Variants in RNF144B observed in about 807,000 individuals in gnomAD.
The protein encoded by RNF144B is ring finger protein 144B, also known as E3 ubiquitin-protein ligase RNF144B.
Under a neutral mutation model 40.2 loss-of-function variants are expected in RNF144B, and 25 were observed. The ratio of observed to expected loss-of-function variants is 0.62; its 90% CI spans 0.45 to 0.87. The LOEUF (loss-of-function observed/expected upper bound fraction) is 0.87, where lower values mean the gene tolerates loss of function less well. Ranked by LOEUF, RNF144B falls within the 40% of genes least tolerant of loss-of-function variation. The pLI is 0.00. For synonymous variants in RNF144B, 145 were observed against 136.3 expected (o/e 1.06, Z -0.44); for missense variants, 365 against 373.7 (o/e 0.98, Z 0.19).
intron 1 of RNF144B, among the ~76,000 whole-genome samples, chr6:18,393,539 G>A (rs562913971): frequency 1.3e-5 from 2 of 152,282 alleles, no homozygotes; most frequent in East Asian, 1.9e-4. Flanking sequence ...GTTAGGAAAA[G>A]GAACCAGTAG....
chr6:18,389,633 C>T (rs77489166), intron 1 of RNF144B, among the ~76,000 whole-genome samples: 18 of 152,250 alleles, frequency 1.2e-4, no homozygotes, highest in East Asian at 1.2e-3. Flanking sequence ...TGTTTGAAAT[C>T]TCCAGTTTGA....
rs569581534 is a variant in RNF144B at position 18,388,359 on chromosome 6, C to T, written c.-37+729C>T. Among the ~76,000 whole-genome samples the T allele has an allele frequency of 2.0e-5, 3 of 152,260 alleles. No individual in the cohort carries two copies. The South Asian group carries it at 6.2e-4, about 32-fold the overall frequency. On this transcript the variant is annotated intron_variant, in intron 1 of 7. Coordinates refer to ENST00000259939, the MANE Select transcript of RNF144B (RefSeq NM_182757.4). Reference sequence around the variant, plus strand: ...TGGCATTTCTGGACGTTTATTTGAACATTGAGAGGTATAAATTAAATGGCA... The same window carrying T: ...TGGCATTTCTGGACGTTTATTTGAATATTGAGAGGTATAAATTAAATGGCA...
chr6:18,394,764 G>T (rs1297995597), intron 1 of RNF144B, among the ~76,000 whole-genome samples: 1 of 152,124 alleles, frequency 6.6e-6, no homozygotes. Context: ...GACAAGACAC[G>T]AGGGGAAAGG....
intron 4 of RNF144B, among the ~76,000 whole-genome samples, chr6:18,451,811 AAAAGGGATAGTT>A (rs1759214973): frequency 6.6e-6 from 1 of 152,252 alleles, no homozygotes; most frequent in Non-Finnish European, 1.5e-5. Context: ...ATAGAATTCT[AAAAGGGATAGTT>A]ATTTGTTTTA....
In RNF144B at chr6:18,467,515, T is replaced by A. The variant is rs1759598477; in HGVS notation, c.*2448T>A. 3 of 150,864 alleles carry A rather than the reference T, an allele frequency of 2.0e-5. No individual in the cohort carries two copies. In the South Asian group the frequency reaches 6.3e-4, roughly 31 times the overall value. The allele number at this position is 150,864 out of a possible 1,614,324, so 9.3% of individuals were successfully genotyped here. On this transcript the variant is annotated 3_prime_UTR_variant, in exon 8 of 8. Transcript: ENST00000259939. The stretch of plus-strand genomic sequence containing the variant: ...TGAAAAGTGCCTGAAAAATGGTAAA[T>A]TCTTAAATGTGTGTGAGATTGTCAG...
chr6:18,439,611 G>A, intron 3 of RNF144B, 73 bp from the exon 4 acceptor site: 1 of 1,030,292 alleles, frequency 9.7e-7, no homozygotes. Flanking sequence ...AAGCCAGAAA[G>A]AGAAATCAAA....
In RNF144B at chr6:18,434,765, G is replaced by A. The variant is rs954170776; in HGVS notation, c.271-4919G>A. 1.3e-5 allele frequency among the ~76,000 whole-genome samples: 2 copies of A among 152,122 alleles called. No individual in the cohort carries two copies. Among genetic ancestry groups the A allele is most frequent in the African/African-American group, 4.8e-5 (2 of 41,412 alleles). Reference sequence around the variant, plus strand: ...GCCTCCTGAGTAGCTGGGACTACAGGCGCCTGCTACCACGCCCAGCTAATT... The same window carrying A: ...GCCTCCTGAGTAGCTGGGACTACAGACGCCTGCTACCACGCCCAGCTAATT... On this transcript the variant is annotated intron_variant, in intron 3 of 7. Transcript: ENST00000259939. This position sits in a 1 kb window ranked among gnomAD's most constrained non-coding sequence, Gnocchi z 4.1.
chr6:18,415,083 A>G (rs1795124436), intron 2 of RNF144B, among the ~76,000 whole-genome samples: 2 of 152,160 alleles, frequency 1.3e-5, no homozygotes, highest in African/African-American at 4.8e-5. Context: ...AATATCTAAT[A>G]CAATGTAAAT....
rs1446804525 is a variant in RNF144B, at chr6:18,418,572, T to C, written c.166-9009T>C. On this transcript the variant is annotated intron_variant, in intron 2 of 7. Coordinates refer to ENST00000259939, the MANE Select transcript of RNF144B (RefSeq NM_182757.4). This position sits in a 1 kb window ranked among gnomAD's most constrained non-coding sequence, Gnocchi z 5.2. Reference sequence around the variant, plus strand: ...GTTCCCTAGGGCTGTGCATGGAGGATCTGGGGGAGAAATGGGGAGCATGTA... The same window carrying C: ...GTTCCCTAGGGCTGTGCATGGAGGACCTGGGGGAGAAATGGGGAGCATGTA... 2.0e-5 allele frequency among the ~76,000 whole-genome samples: 3 copies of C among 152,054 alleles called. No individual in the cohort carries two copies. Among genetic ancestry groups the C allele is most frequent in the Non-Finnish European group, 2.9e-5 (2 of 67,994 alleles).
At chr6:18,437,892 A>G (rs1275122939) in intron 3 of RNF144B, among the ~76,000 whole-genome samples, 1 of 152,200 alleles carries the variant, frequency 6.6e-6, no homozygotes, top group African/African-American at 2.4e-5. Context: ...CTCATCATTG[A>G]AAAAGAATCA....
intron 1 of RNF144B, among the ~76,000 whole-genome samples, chr6:18,391,554 A>G (rs1794580632): frequency 6.6e-6 from 1 of 152,206 alleles, no homozygotes; most frequent in African/African-American, 2.4e-5. Flanking sequence ...GAACATGGAA[A>G]GAAGGCAAGA....
intron 1 of RNF144B, among the ~76,000 whole-genome samples, chr6:18,390,162 C>T (rs111261612): frequency 5.3e-5 from 8 of 152,260 alleles, no homozygotes; most frequent in African/African-American, 1.4e-4. Context: ...AAAAGTACTT[C>T]GATGTTTGTC....
rs1275925319 is a variant in RNF144B, at chr6:18,447,785, T to G, written c.331+8041T>G. Among the ~76,000 whole-genome samples, 1 of 152,166 alleles carries G rather than the reference T, an allele frequency of 6.6e-6. No individual in the cohort carries two copies. The highest frequency in any genetic ancestry group is 1.5e-5 in the Non-Finnish European group (1 of 68,022). On this transcript the variant is annotated intron_variant, in intron 4 of 7. Transcript: ENST00000259939. The surrounding 1 kb of genome is among the most constrained non-coding windows in gnomAD (Gnocchi z 5.6). ...GAGGTCAGGTTTAAAGCTGTGACAC[T>G]GAATGAGCGCATCTAAGAATTAAAC...
intron 3 of RNF144B, among the ~76,000 whole-genome samples, chr6:18,430,513 A>G (rs1487212657): frequency 1.3e-5 from 2 of 151,410 alleles, no homozygotes; most frequent in Non-Finnish European, 2.9e-5. Flanking sequence ...TCTCTTTTTT[A>G]AAACCTGGTT....
chr6:18,465,299 T>C lies in RNF144B; in HGVS notation c.*232T>C. 1 of 542,548 alleles carries C rather than the reference T, an allele frequency of 1.8e-6. No homozygotes were observed. The highest frequency in any genetic ancestry group is 3.0e-5 in the East Asian group (1 of 33,734). 33.6% of individuals were successfully genotyped at this position (542,548 alleles called of 1,614,324 possible). ...CGGTCCAGCTGTTTCTATGGAGCTT[T>C]GGGGTTCCTTGAGATGAATGAACAT... On this transcript the variant is annotated 3_prime_UTR_variant, in exon 8 of 8. Transcript: ENST00000259939.
intron 2 of RNF144B, among the ~76,000 whole-genome samples, chr6:18,408,139 C>T (rs1794954383): frequency 6.6e-6 from 1 of 151,918 alleles, no homozygotes; most frequent in Non-Finnish European, 1.5e-5. Flanking sequence ...TGCCTGTCAC[C>T]ATGCCCGGCT....
At position 18,416,405 on chromosome 6, in the gene RNF144B, C is replaced by G. The variant is rs1795149902; in HGVS notation, c.166-11176C>G. Among the ~76,000 whole-genome samples, 1 of 152,192 alleles carries G rather than the reference C, an allele frequency of 6.6e-6. No homozygotes were observed. Among genetic ancestry groups the G allele is most frequent in the South Asian group, 2.1e-4 (1 of 4,834 alleles). ...TTTGGCTTTCTTGTGAAGCCTGGAC[C>G]AGGCTGCAGCATTTCCAATGGGTTT... On this transcript the variant is annotated intron_variant, in intron 2 of 7. Coordinates refer to ENST00000259939, the MANE Select transcript of RNF144B (RefSeq NM_182757.4). The surrounding 1 kb of genome is among the most constrained non-coding windows in gnomAD (Gnocchi z 5.5).
chr6:18,436,078 A>G (rs951025627), intron 3 of RNF144B, among the ~76,000 whole-genome samples: 2 of 152,072 alleles, frequency 1.3e-5, no homozygotes, highest in Admixed American at 6.5e-5. Context: ...AAAAGTTAAC[A>G]TCATCAATAA....
rs1758781483 is a variant in RNF144B, at chr6:18,434,793, T to C, written c.271-4891T>C. ...CCTGCTACCACGCCCAGCTAATTTT[T>C]TGTATTTTTAGTAGAGATGGGGTTT... is the stretch of plus-strand genomic sequence containing the variant. On this transcript the variant is annotated intron_variant, in intron 3 of 7. Coordinates refer to ENST00000259939, the MANE Select transcript of RNF144B (RefSeq NM_182757.4). This position sits in a 1 kb window ranked among gnomAD's most constrained non-coding sequence, Gnocchi z 4.1. Among the ~76,000 whole-genome samples, 1 of 152,138 alleles carries C rather than the reference T, an allele frequency of 6.6e-6. No homozygotes were observed. Among genetic ancestry groups the C allele is most frequent in the Non-Finnish European group, 1.5e-5 (1 of 68,040 alleles).
Sources: allele counts gnomAD v4.1 joint callset (sites outside exome capture counted in the v4.1 genomes callset), GRCh38; gene constraint gnomAD v4.1.1; non-coding constraint Gnocchi (gnomAD v3.1); transcripts MANE v1.5; gene names NCBI Gene and HGNC (gene_info 2026-07-23, HGNC 2026-07-21).